The following NCAM2 variants were observed in gnomAD, a reference collection of about 807,000 sequenced individuals.
NCAM2 encodes N-CAM-2.
Under a neutral mutation model 98.1 loss-of-function variants are expected in NCAM2, and 30 were observed. The ratio of observed to expected loss-of-function variants is 0.31; its 90% CI spans 0.23 to 0.41. NCAM2 has a LOEUF of 0.41. Ranked by LOEUF, NCAM2 falls within the 10% of genes least tolerant of loss-of-function variation. The probability of loss-of-function intolerance (pLI) is 1.00; values close to 1 mark genes in which losing one functional copy is unlikely to be tolerated. For synonymous variants in NCAM2, 368 were observed against 342.4 expected (o/e 1.07, Z -0.83); for missense variants, 867 against 1,005.8 (o/e 0.86, Z 1.87).
At chr21:21,368,744 C>T (rs2075844676) in intron 8 of NCAM2, among the ~76,000 whole-genome samples, 1 of 151,774 alleles carries the variant, frequency 6.6e-6, no homozygotes, top group Non-Finnish European at 1.5e-5. Context: ...TCCAAAAATA[C>T]CAGCACAGTG....
At chr21:21,240,895 T>C (rs1184923727) in intron 1 of NCAM2, among the ~76,000 whole-genome samples, 1 of 152,170 alleles carries the variant, frequency 6.6e-6, no homozygotes, top group African/African-American at 2.4e-5. Flanking sequence ...TTATAAAATG[T>C]TTAGAACAGT....
At position 21,418,547 on chromosome 21, in the gene NCAM2, A is replaced by G. The variant is rs201931205; in HGVS notation, c.1458A>G (p.Gln486=). 5.4e-5 allele frequency: 87 copies of G among 1,610,800 alleles called. No homozygotes were observed. Among genetic ancestry groups the G allele is most frequent in the Non-Finnish European group, 7.1e-5 (83 of 1,177,238 alleles). Residue 486 remains glutamine, a synonymous_variant, in exon 11 of 18, where the codon CAA becomes CAG. Coordinates refer to ENST00000400546, the MANE Select transcript of NCAM2 (RefSeq NM_004540.5). The stretch of plus-strand genomic sequence containing the variant: ...CTAATCATATAGGAACAAGATTTCA[A>G]GAATATATTCTTGCTTTGGCTGGTA... ...TATNHIGTRF[Q]EYILALADVP...
At chr21:21,468,603 T>C in intron 13 of NCAM2, 59 bp from the exon 14 acceptor site, 3 of 1,488,696 alleles carry the variant, frequency 2.0e-6, no homozygotes, top group Non-Finnish European at 2.7e-6. Context: ...TATTAAAATA[T>C]AGTTTATCTA....
Position 21,041,740 on chromosome 21 carries a change from A to G in NCAM2, c.55+43122A>G, listed in dbSNP as rs376284852. On this transcript the variant is annotated intron_variant, in intron 1 of 17. Transcript: ENST00000400546. ...GGAAAGACGTCAGAATATATTATATAGTAACAGAGAGAGAAAGCAAGAGAA... is the reference window on the plus strand; with the variant it reads ...GGAAAGACGTCAGAATATATTATATGGTAACAGAGAGAGAAAGCAAGAGAA... Among the ~76,000 whole-genome samples the G allele has an allele frequency of 1.5e-4, 23 of 152,362 alleles. No individual in the cohort carries two copies. In the South Asian group the frequency reaches 4.3e-3, roughly 29 times the overall value.
intron 9 of NCAM2, among the ~76,000 whole-genome samples, chr21:21,383,453 A>G (rs1453295343): frequency 6.6e-6 from 1 of 152,182 alleles, no homozygotes; most frequent in African/African-American, 2.4e-5. Flanking sequence ...AGTTACCACG[A>G]TCACTTTGAA....
chr21:21,413,897 G>C (rs1444697469), intron 10 of NCAM2, among the ~76,000 whole-genome samples: 1 of 152,130 alleles, frequency 6.6e-6, no homozygotes, highest in Non-Finnish European at 1.5e-5. Flanking sequence ...CTGTGTAGCA[G>C]GTGATGCTAT....
intron 5 of NCAM2, among the ~76,000 whole-genome samples, chr21:21,317,901 T>G (rs2147762257): frequency 6.6e-6 from 1 of 152,296 alleles, no homozygotes; most frequent in African/African-American, 2.4e-5. Flanking sequence ...GTCCCAAAAC[T>G]TTTCTTTAAT....
intron 15 of NCAM2, among the ~76,000 whole-genome samples, chr21:21,501,647 A>C (rs1987645734): frequency 6.6e-6 from 1 of 150,742 alleles, no homozygotes; most frequent in African/African-American, 2.4e-5. Context: ...TAGCTGCAGA[A>C]GTCTTTAGAC....
At chr21:21,522,243 A>AAT (rs1391436388) in intron 16 of NCAM2, among the ~76,000 whole-genome samples, 1 of 136,618 alleles carries the variant, frequency 7.3e-6, no homozygotes, top group African/African-American at 2.5e-5. Flanking sequence ...TATGAAGATG[A>AAT]ATATATATGA....
intron 1 of NCAM2, among the ~76,000 whole-genome samples, chr21:21,098,030 G>T (rs1400523940): frequency 6.0e-5 from 2 of 33,116 alleles, no homozygotes; most frequent in African/African-American, 1.1e-4. Context: ...AAAGAATTTA[G>T]CTAGTCGAAT....
Position 21,331,517 on chromosome 21 carries a change from C to CTCTCTCTATATA in NCAM2, c.738-3987_738-3986insCTCTCTATATAT, listed in dbSNP as rs1483062198. ...TATATATACTCTATACTCTCTCTCT[C>CTCTCTCTATATA]TATATATATATATATATACTCTATA... On this transcript the variant is annotated intron_variant, in intron 6 of 17. Transcript: ENST00000400546. Among the ~76,000 whole-genome samples the CTCTCTCTATATA allele has an allele frequency of 6.1e-3, 42 of 6,930 alleles. 2 individuals are homozygous for CTCTCTCTATATA. The highest frequency in any genetic ancestry group is 0.05 in the East Asian group (22 of 442). The allele number at this position is 6,930 out of a possible 152,430, so 4.5% of individuals were successfully genotyped here.
At chr21:21,500,608 A>G (rs1394809358) in intron 15 of NCAM2, among the ~76,000 whole-genome samples, 1 of 151,826 alleles carries the variant, frequency 6.6e-6, no homozygotes, top group Non-Finnish European at 1.5e-5. Context: ...CAAATATATA[A>G]AGATAAATAT....
chr21:21,009,883 CTGTGTGTGTG>C (rs5842868), intron 1 of NCAM2, among the ~76,000 whole-genome samples: 8 of 139,670 alleles, frequency 5.7e-5, no homozygotes, highest in South Asian at 2.4e-4. Context: ...CCTCTGATAG[CTGTGTGTGTG>C]TGTGTGTGTG....
intron 9 of NCAM2, among the ~76,000 whole-genome samples, chr21:21,395,997 C>T (rs566758649): frequency 6.6e-6 from 1 of 151,708 alleles, no homozygotes; most frequent in Non-Finnish European, 1.5e-5. Flanking sequence ...GCAACAAAAA[C>T]AAAGATAAAT....
chr21:21,448,550 G>A (rs537916573), intron 12 of NCAM2, among the ~76,000 whole-genome samples: 3 of 151,886 alleles, frequency 2.0e-5, no homozygotes, highest in African/African-American at 7.2e-5. Flanking sequence ...AAAATAATCA[G>A]TATTTGGTCT....
intron 12 of NCAM2, among the ~76,000 whole-genome samples, chr21:21,453,051 A>G (rs1416727272): frequency 8.3e-6 from 1 of 120,890 alleles, no homozygotes; most frequent in African/African-American, 3.1e-5. Flanking sequence ...ATACATATAT[A>G]AAAATATAAA....
chr21:21,039,249 G>C (rs1329116772), intron 1 of NCAM2, among the ~76,000 whole-genome samples: 1 of 152,042 alleles, frequency 6.6e-6, no homozygotes, highest in East Asian at 1.9e-4. Flanking sequence ...ACCTTCATGA[G>C]ATCAAGTTTT....
intron 1 of NCAM2, among the ~76,000 whole-genome samples, chr21:21,145,269 AAC>A (rs760800149): frequency 1.2e-4 from 18 of 152,166 alleles, no homozygotes; most frequent in Non-Finnish European, 2.2e-4. Context: ...TAACAAGAAA[AAC>A]AACAAAAACA....
intron 12 of NCAM2, among the ~76,000 whole-genome samples, chr21:21,450,757 T>A (rs1980907633): frequency 6.6e-6 from 1 of 150,732 alleles, no homozygotes; most frequent in Admixed American, 6.7e-5. Context: ...ATTTGTGTTA[T>A]TCCTCCTCCC....
Sources: gnomAD v4.1 joint callset for allele counts (sites outside exome capture counted in the v4.1 genomes callset) on GRCh38, gnomAD v4.1.1 for gene constraint, MANE v1.5 for transcripts, NCBI Gene and HGNC (gene_info 2026-07-23, HGNC 2026-07-21) for gene names.